MACROD2: variants seen among roughly 807,000 people sequenced by gnomAD.
MACROD2 encodes the protein mono-ADP ribosylhydrolase 2.
MACROD2 carries 36 observed loss-of-function variants against 70.4 expected under a neutral mutation model. That is an observed-to-expected ratio of 0.51 (90% confidence interval 0.39 to 0.68). The LOEUF (loss-of-function observed/expected upper bound fraction) is 0.68, where lower values mean the gene tolerates loss of function less well. MACROD2 is among the 30% of genes least tolerant of loss of function. MACROD2 has a pLI of 0.00. For synonymous variants in MACROD2, 172 were observed against 178.8 expected (o/e 0.96, Z 0.30); for missense variants, 496 against 538.4 (o/e 0.92, Z 0.78).
chr20:15,841,640 A>G (rs2064171868), intron 8 of MACROD2, among the ~76,000 whole-genome samples: 1 of 152,104 alleles, frequency 6.6e-6, no homozygotes, highest in African/African-American at 2.4e-5. Flanking sequence ...ATCCACCCCC[A>G]TGATTCACTC....
intron 5 of MACROD2, among the ~76,000 whole-genome samples, chr20:14,902,935 G>A (rs2073913960): frequency 1.3e-5 from 2 of 151,896 alleles, no homozygotes; most frequent in African/African-American, 4.8e-5. Context: ...AGTAATACAA[G>A]GAAAGATTAT....
chr20:14,120,999 C>T lies in MACROD2; in HGVS notation c.271+35271C>T, dbSNP rs934113789. Among the ~76,000 whole-genome samples, 7 of 151,736 alleles carry T rather than the reference C, an allele frequency of 4.6e-5. No individual in the cohort carries two copies. In the South Asian group the frequency reaches 6.3e-4, roughly 14 times the overall value. On this transcript the variant is annotated intron_variant, in intron 3 of 17. Transcript: ENST00000684519. ...TGTATACCTATGTAACAAACCTGCA[C>T]GTTCTGTACAGGTACCATTTTTTTT...
chr20:15,897,392 T>C (rs535608650), intron 10 of MACROD2, among the ~76,000 whole-genome samples: 1 of 152,310 alleles, frequency 6.6e-6, no homozygotes, highest in African/African-American at 2.4e-5. Context: ...GATTCATTTT[T>C]ATATATCCTT....
intron 5 of MACROD2, among the ~76,000 whole-genome samples, chr20:15,087,256 A>G (rs866113676): frequency 6.6e-6 from 1 of 152,016 alleles, no homozygotes; most frequent in African/African-American, 2.4e-5. Context: ...AACTAAGGAA[A>G]TATTGACAAA....
chr20:15,042,607 C>G (rs2075364494), intron 5 of MACROD2, among the ~76,000 whole-genome samples: 1 of 152,206 alleles, frequency 6.6e-6, no homozygotes, highest in South Asian at 2.1e-4. Flanking sequence ...AGAATCATCT[C>G]AGGATAGGTA....
chr20:14,951,668 C>T (rs1013961523), intron 5 of MACROD2, among the ~76,000 whole-genome samples: 1 of 152,096 alleles, frequency 6.6e-6, no homozygotes, highest in African/African-American at 2.4e-5. Flanking sequence ...AACCCAGCAA[C>T]CCACTTCTCC....
chr20:15,022,976 T>C (rs1451894656), intron 5 of MACROD2: 3 of 152,124 alleles, frequency 2.0e-5, no homozygotes, highest in African/African-American at 7.2e-5. Context: ...TATATATGCA[T>C]ATATGTATAT....
intron 4 of MACROD2, among the ~76,000 whole-genome samples, chr20:14,579,984 G>T (rs1207391306): frequency 6.6e-6 from 1 of 152,130 alleles, no homozygotes; most frequent in Non-Finnish European, 1.5e-5. Flanking sequence ...AGAAAAGCTT[G>T]GATGTAAAAA....
intron 5 of MACROD2, among the ~76,000 whole-genome samples, chr20:14,932,712 C>T (rs1175714611): frequency 2.0e-5 from 3 of 152,000 alleles, no homozygotes; most frequent in East Asian, 1.9e-4. Flanking sequence ...ACTACAGGTG[C>T]GTGTGCCACC....
rs537656810 is a variant in MACROD2, at chr20:14,806,613, G to A, written c.418+121654G>A. ...TGAACCATTCACTCCCCTGGAAAGG[G>A]GGCTGAAGCCAGGGAGCCAAGTGGT... On this transcript the variant is annotated intron_variant, in intron 5 of 17. Coordinates refer to ENST00000684519, the MANE Select transcript of MACROD2 (RefSeq NM_001351661.2). Among the ~76,000 whole-genome samples the A allele has an allele frequency of 9.9e-5, 15 of 152,198 alleles. No homozygotes were observed. In the East Asian group the frequency reaches 2.9e-3, roughly 29 times the overall value.
chr20:15,967,862 G>C (rs940702876), intron 13 of MACROD2, among the ~76,000 whole-genome samples: 2 of 151,920 alleles, frequency 1.3e-5, no homozygotes, highest in African/African-American at 2.4e-5. Context: ...CATTTATTTT[G>C]TTTATTGTTA....
At chr20:15,964,079 T>G (rs2066103609) in intron 12 of MACROD2, among the ~76,000 whole-genome samples, 1 of 152,234 alleles carries the variant, frequency 6.6e-6, no homozygotes, top group Admixed American at 6.5e-5. Flanking sequence ...TTACATGTTT[T>G]TGAACATTAC....
intron 5 of MACROD2, among the ~76,000 whole-genome samples, chr20:15,052,199 G>A (rs392331): frequency 0.11 from 17,303 of 152,112 alleles, 1,336 homozygotes; most frequent in Non-Finnish European, 0.16. Context: ...TGTTTGTCAC[G>A]GTCCTCAAAC....
At chr20:14,612,147 T>TAA in intron 4 of MACROD2, among the ~76,000 whole-genome samples, 1 of 152,298 alleles carries the variant, frequency 6.6e-6, no homozygotes, top group Non-Finnish European at 1.5e-5. Flanking sequence ...GCCAGATGTT[T>TAA]AAGCACCAAA....
intron 5 of MACROD2, among the ~76,000 whole-genome samples, chr20:14,798,184 C>G (rs2072533090): frequency 1.3e-5 from 2 of 152,064 alleles, no homozygotes; most frequent in African/African-American, 4.8e-5. Context: ...TAGTAGCTTG[C>G]AAAACCCACT....
At chr20:13,999,967 T>G (rs1017043737) in intron 1 of MACROD2, among the ~76,000 whole-genome samples, 1 of 152,092 alleles carries the variant, frequency 6.6e-6, no homozygotes, top group African/African-American at 2.4e-5. Flanking sequence ...TGAGCTGATA[T>G]CGCGCTACTG....
At chr20:14,561,557 G>T (rs907671424) in intron 4 of MACROD2, among the ~76,000 whole-genome samples, 3 of 151,574 alleles carry the variant, frequency 2.0e-5, no homozygotes, top group East Asian at 3.9e-4. Flanking sequence ...GATTCTACAG[G>T]GGTTTTCATT....
intron 15 of MACROD2, among the ~76,000 whole-genome samples, chr20:16,035,313 T>C (rs1389132407): frequency 6.6e-6 from 1 of 151,110 alleles, no homozygotes; most frequent in Non-Finnish European, 1.5e-5. Context: ...GCTATAAACA[T>C]GCATGTGCAA....
Position 14,492,572 on chromosome 20 carries a change from A to T in MACROD2, c.272-907A>T, listed in dbSNP as rs76024747. 6.9e-3 allele frequency among the ~76,000 whole-genome samples: 1,045 copies of T among 151,978 alleles called. 4 individuals carry two copies. The highest frequency in any genetic ancestry group is 0.023 in the African/African-American group (974 of 41,466). ...CTAAAATTCAAGTAAAAGACTTCCTACTCCTTTTTCCTAAATTATTTTTTT... is the reference window on the plus strand; with the variant it reads ...CTAAAATTCAAGTAAAAGACTTCCTTCTCCTTTTTCCTAAATTATTTTTTT... On this transcript the variant is annotated intron_variant, in intron 3 of 17. Coordinates refer to ENST00000684519, the MANE Select transcript of MACROD2 (RefSeq NM_001351661.2).
Sources: allele counts gnomAD v4.1 joint callset (sites outside exome capture counted in the v4.1 genomes callset), GRCh38; gene constraint gnomAD v4.1.1; transcripts MANE v1.5; gene names NCBI Gene and HGNC (gene_info 2026-07-23, HGNC 2026-07-21).